Variants in TYW1B observed in about 807,000 individuals in gnomAD.
TYW1B encodes the protein S-adenosyl-L-methionine-dependent tRNA 4-demethylwyosine synthase TYW1B.
In TYW1B, 73 loss-of-function variants were observed where a neutral mutation model predicts 86.9. The observed-to-expected ratio is 0.84, with a 90% CI of 0.70 to 1.02. The LOEUF is 1.02. Among genes scored for constraint, TYW1B ranks in the 50% least tolerant of loss-of-function variants. TYW1B has a pLI of 0.00. For synonymous variants in TYW1B, 248 were observed against 292.8 expected (o/e 0.85, Z 1.56); for missense variants, 637 against 827.4 (o/e 0.77, Z 2.82).
At chr7:72,766,401 G>C (rs1554468369) in intron 7 of TYW1B, among the ~76,000 whole-genome samples, 1 of 149,836 alleles carries the variant, frequency 6.7e-6, no homozygotes, top group Non-Finnish European at 1.5e-5. Context: ...ATCACTTGAG[G>C]TCAGGAGTTC....
intron 6 of TYW1B, among the ~76,000 whole-genome samples, chr7:72,780,301 C>G (rs1233012389): frequency 6.6e-6 from 1 of 152,058 alleles, no homozygotes; most frequent in Non-Finnish European, 1.5e-5. Flanking sequence ...TGTGGTGAAG[C>G]AAAATGAACA....
At chr7:72,619,474 T>G (rs1812161946) in intron 12 of TYW1B, among the ~76,000 whole-genome samples, 1 of 151,582 alleles carries the variant, frequency 6.6e-6, no homozygotes, top group South Asian at 2.1e-4. Context: ...ACCCCGTCTC[T>G]ACTAAAAATA....
intron 7 of TYW1B, among the ~76,000 whole-genome samples, chr7:72,765,303 G>A (rs1194957914): frequency 6.6e-6 from 1 of 152,106 alleles, no homozygotes; most frequent in Non-Finnish European, 1.5e-5. Flanking sequence ...TGTCTCTATA[G>A]AAAAACTATA....
intron 13 of TYW1B, among the ~76,000 whole-genome samples, chr7:72,582,092 A>G (rs1554429711): frequency 2.0e-5 from 3 of 150,106 alleles, no homozygotes; most frequent in East Asian, 1.9e-4. Context: ...TTTTTTTTTA[A>G]TATTAAAGAA....
chr7:72,769,875 C>T (rs1787835851), intron 7 of TYW1B, among the ~76,000 whole-genome samples: 1 of 151,854 alleles, frequency 6.6e-6, no homozygotes, highest in African/African-American at 2.4e-5. Context: ...AGTTTGAGAC[C>T]AGCCTGGCCA....
chr7:72,632,410 T>TA (rs1812545008), intron 11 of TYW1B, among the ~76,000 whole-genome samples: 1 of 104,586 alleles, frequency 9.6e-6, no homozygotes, highest in South Asian at 2.4e-4. Context: ...AATATATATA[T>TA]ACATATATAT....
Position 72,771,955 on chromosome 7 carries a change from T to C in TYW1B, c.964+5461A>G, listed in dbSNP as rs1169664399. On this transcript the variant is annotated intron_variant, in intron 7 of 13. Transcript: ENST00000620995. ...TCTGCCTCCCGGGTTTAAACGATTC[T>C]CATGCCTCAGACTCCCACGTAATTG... Among the ~76,000 whole-genome samples, 5 of 151,794 alleles carry C rather than the reference T, an allele frequency of 3.3e-5. No homozygotes were observed. The Admixed American group carries it at 3.3e-4, about 10-fold the overall frequency.
At chr7:72,590,890 A>G (rs1291549218) in intron 13 of TYW1B, among the ~76,000 whole-genome samples, 1 of 152,214 alleles carries the variant, frequency 6.6e-6, no homozygotes, top group African/African-American at 2.4e-5. Context: ...CTAGAAACAG[A>G]CTTTAAAACA....
chr7:72,759,411 T>A (rs1406219473), intron 7 of TYW1B, among the ~76,000 whole-genome samples: 1 of 152,060 alleles, frequency 6.6e-6, no homozygotes, highest in Admixed American at 6.6e-5. Context: ...ATTTACAGAA[T>A]TTTCTTTGCT....
chr7:72,608,556 C>T (rs1228506181), intron 13 of TYW1B, among the ~76,000 whole-genome samples: 2 of 152,076 alleles, frequency 1.3e-5, no homozygotes, highest in Non-Finnish European at 2.9e-5. Context: ...AACAACAGTG[C>T]AGAGAAATAA....
intron 10 of TYW1B, among the ~76,000 whole-genome samples, chr7:72,703,944 A>G (rs1377068877): frequency 7.0e-6 from 1 of 142,642 alleles, no homozygotes; most frequent in Non-Finnish European, 1.5e-5. Context: ...GATATAGGTT[A>G]AATTTGTTAA....
chr7:72,762,192 C>T (rs1787696557), intron 7 of TYW1B, among the ~76,000 whole-genome samples: 1 of 152,030 alleles, frequency 6.6e-6, no homozygotes, highest in African/African-American at 2.4e-5. Flanking sequence ...TCTATTTCTT[C>T]CTGAGATGTA....
chr7:72,811,364 C>A (rs1219124990), intron 3 of TYW1B, among the ~76,000 whole-genome samples: 3 of 151,192 alleles, frequency 2.0e-5, no homozygotes, highest in Non-Finnish European at 4.4e-5. Context: ...TGGAAGAACA[C>A]ACCTGGGGAA....
At chr7:72,707,292 A>G (rs1355692609) in intron 10 of TYW1B, among the ~76,000 whole-genome samples, 4 of 152,274 alleles carry the variant, frequency 2.6e-5, no homozygotes, top group African/African-American at 9.6e-5. Context: ...GATAAAGTGC[A>G]GCATAGCTGC....
chr7:72,694,872 AG>A, intron 10 of TYW1B, 50 bp from the exon 11 acceptor site: 1 of 1,573,206 alleles, frequency 6.4e-7, no homozygotes, highest in South Asian at 1.2e-5. Flanking sequence ...TTCCTCTATC[AG>A]GCTTTCCATG....
chr7:72,628,530 C>T (rs2687037), intron 12 of TYW1B, among the ~76,000 whole-genome samples: 1 of 152,116 alleles, frequency 6.6e-6, no homozygotes, highest in African/African-American at 2.4e-5. Flanking sequence ...CTATTTCCGT[C>T]TATGTCTGAA....
At chr7:72,601,105 C>A (rs1328033336) in intron 13 of TYW1B, among the ~76,000 whole-genome samples, 1 of 151,406 alleles carries the variant, frequency 6.6e-6, no homozygotes, top group Non-Finnish European at 1.5e-5. Flanking sequence ...CTCGCCATTG[C>A]ACTCCAGCTT....
At chr7:72,647,956 G>A (rs1474006956) in intron 11 of TYW1B, among the ~76,000 whole-genome samples, 1 of 152,072 alleles carries the variant, frequency 6.6e-6, no homozygotes, top group Non-Finnish European at 1.5e-5. Flanking sequence ...AAAATGCTGG[G>A]ATTACAGGCC....
At chr7:72,680,860 T>G (rs1410114511) in intron 11 of TYW1B, among the ~76,000 whole-genome samples, 1 of 152,220 alleles carries the variant, frequency 6.6e-6, no homozygotes, top group African/African-American at 2.4e-5. Flanking sequence ...ATTTGTAATA[T>G]TTATTTCTTA....
Sources: allele counts gnomAD v4.1 joint callset (sites outside exome capture counted in the v4.1 genomes callset), GRCh38; gene constraint gnomAD v4.1.1; transcripts MANE v1.5; gene names NCBI Gene and HGNC (gene_info 2026-07-23, HGNC 2026-07-21).